The following STK3 variants were observed in gnomAD, a reference collection of about 807,000 sequenced individuals.
The protein encoded by STK3 is serine/threonine-protein kinase 3.
In STK3, 41 loss-of-function variants were observed where a neutral mutation model predicts 58.0. The ratio of observed to expected loss-of-function variants is 0.71; its 90% CI spans 0.55 to 0.92. STK3 has a LOEUF of 0.92. STK3 is among the 40% of genes least tolerant of loss of function. The pLI, the probability that STK3 is intolerant of heterozygous loss-of-function variation, is 0.00. For synonymous variants in STK3, 170 were observed against 191.0 expected (o/e 0.89, Z 0.91); for missense variants, 479 against 602.7 (o/e 0.79, Z 2.15).
At chr8:98,750,217 G>C (rs546159813) in intron 3 of STK3, among the ~76,000 whole-genome samples, 3 of 152,202 alleles carry the variant, frequency 2.0e-5, no homozygotes, top group Admixed American at 6.5e-5. Context: ...AGTGGGATTT[G>C]AATGAGATTT....
At chr8:98,539,226 C>T (rs1810029554) in intron 9 of STK3, among the ~76,000 whole-genome samples, 1 of 152,122 alleles carries the variant, frequency 6.6e-6, no homozygotes, top group South Asian at 2.1e-4. Flanking sequence ...GAGCATTAAA[C>T]ATTATTAGGC....
intron 1 of STK3, among the ~76,000 whole-genome samples, chr8:98,818,072 C>G (rs569193434): frequency 6.6e-6 from 1 of 152,322 alleles, no homozygotes; most frequent in South Asian, 2.1e-4. Context: ...TTTCCCACCT[C>G]CAGGCCTTCT....
intron 3 of STK3, among the ~76,000 whole-genome samples, chr8:98,864,592 T>G (rs1837064006): frequency 6.6e-6 from 1 of 152,240 alleles, no homozygotes; most frequent in African/African-American, 2.4e-5. Context: ...CATGGTTTCC[T>G]TTTTCTTGGT....
At chr8:98,924,503 A>G (rs1010163910) in intron 1 of STK3, among the ~76,000 whole-genome samples, 2 of 152,178 alleles carry the variant, frequency 1.3e-5, no homozygotes, top group Admixed American at 1.3e-4. Flanking sequence ...TCCTGAAACC[A>G]CTATGCTCAT....
intron 3 of STK3, among the ~76,000 whole-genome samples, chr8:98,405,347 A>C (rs1454522275): frequency 6.6e-6 from 1 of 152,238 alleles, no homozygotes; most frequent in African/African-American, 2.4e-5. Flanking sequence ...CTGAGGATTA[A>C]ATAAGTTAAT....
At chr8:98,617,579 GAAA>G (rs1226440361) in intron 6 of STK3, among the ~76,000 whole-genome samples, 2 of 151,708 alleles carry the variant, frequency 1.3e-5, no homozygotes, top group Non-Finnish European at 1.5e-5. Flanking sequence ...GACTAACAAA[GAAA>G]AAAAGAGAGG....
chr8:98,620,282 CAGG>C (rs1563813397), intron 6 of STK3, among the ~76,000 whole-genome samples: 1 of 115,452 alleles, frequency 8.7e-6, no homozygotes, highest in Non-Finnish European at 1.7e-5. Context: ...CACATGGTCA[CAGG>C]AAGGGGAATA....
At chr8:98,513,386 C>T (rs895318768) in intron 10 of STK3, among the ~76,000 whole-genome samples, 2 of 152,142 alleles carry the variant, frequency 1.3e-5, no homozygotes, top group East Asian at 1.9e-4. Flanking sequence ...CAAGATATTA[C>T]ATCAAAGACA....
At chr8:98,690,970 A>G (rs1425236823) in intron 6 of STK3, among the ~76,000 whole-genome samples, 2 of 152,212 alleles carry the variant, frequency 1.3e-5, no homozygotes, top group South Asian at 4.1e-4. Flanking sequence ...AGAAAACCAA[A>G]CACTGCATGT....
At chr8:98,736,554 T>C (rs1828613112) in intron 4 of STK3, among the ~76,000 whole-genome samples, 1 of 152,210 alleles carries the variant, frequency 6.6e-6, no homozygotes. Context: ...GTAACTTAAT[T>C]GGACTTGCTC....
chr8:98,555,263 C>T (rs1811506442), intron 8 of STK3, among the ~76,000 whole-genome samples: 1 of 152,028 alleles, frequency 6.6e-6, no homozygotes, highest in Non-Finnish European at 1.5e-5. Flanking sequence ...TACCTTAAAG[C>T]ATTTTCTAAA....
At chr8:98,785,467 G>C (rs1283605416) in intron 1 of STK3, among the ~76,000 whole-genome samples, 2 of 152,118 alleles carry the variant, frequency 1.3e-5, no homozygotes, top group Non-Finnish European at 2.9e-5. Context: ...CTACCCACTG[G>C]ATTCTCCCTA....
At chr8:98,372,908 G>C (rs1213129301) in intron 2 of STK3, among the ~76,000 whole-genome samples, 2 of 152,198 alleles carry the variant, frequency 1.3e-5, no homozygotes, top group Non-Finnish European at 2.9e-5. Context: ...CTGAGGTTAT[G>C]ATGAGAATTG....
chr8:98,921,511 A>G (rs1839563009), intron 1 of STK3: 1 of 152,516 alleles, frequency 6.6e-6, no homozygotes, highest in Non-Finnish European at 1.5e-5. Flanking sequence ...CTGGTGGTCA[A>G]TAAGATGACA....
At chr8:98,780,986 A>G (rs1445586746) in intron 1 of STK3, among the ~76,000 whole-genome samples, 1 of 152,230 alleles carries the variant, frequency 6.6e-6, no homozygotes, top group African/African-American at 2.4e-5. Flanking sequence ...TTAAGTATCC[A>G]TTGTAGAACT....
At chr8:98,422,378 C>T (rs1292473813) in intron 3 of STK3, among the ~76,000 whole-genome samples, 1 of 152,150 alleles carries the variant, frequency 6.6e-6, no homozygotes, top group Non-Finnish European at 1.5e-5. Context: ...GTCTCGCTCT[C>T]CTGCCTCCCT....
intron 4 of STK3, among the ~76,000 whole-genome samples, chr8:98,729,068 C>T (rs1587439528): frequency 6.6e-6 from 1 of 151,980 alleles, no homozygotes; most frequent in South Asian, 2.1e-4. Context: ...TTTTGAATAG[C>T]CACTGCTTGA....
At chr8:98,685,781 C>T (rs1484029243) in intron 6 of STK3, among the ~76,000 whole-genome samples, 4 of 151,434 alleles carry the variant, frequency 2.6e-5, no homozygotes, top group African/African-American at 7.3e-5. Context: ...GGAAAGGAAA[C>T]CAAAGGTAGA....
At chr8:98,872,799 T>A (rs1345017672) in intron 3 of STK3, among the ~76,000 whole-genome samples, 1 of 152,214 alleles carries the variant, frequency 6.6e-6, no homozygotes, top group Admixed American at 6.6e-5. Flanking sequence ...AGCTCCTGGA[T>A]TCATTGATTT....
Sources: gnomAD v4.1 joint callset for allele counts (sites outside exome capture counted in the v4.1 genomes callset) on GRCh38, gnomAD v4.1.1 for gene constraint, MANE v1.5 for transcripts, NCBI Gene and HGNC (gene_info 2026-07-23, HGNC 2026-07-21) for gene names.